The following KCNJ16 variants were observed in gnomAD, a reference collection of about 807,000 sequenced individuals.
KCNJ16 encodes the protein inward rectifier potassium channel 16.
A neutral mutation model predicts 18.5 loss-of-function variants in KCNJ16; 15 were observed. That is an observed-to-expected ratio of 0.81 (90% CI 0.54 to 1.25). The LOEUF is 1.25. KCNJ16 is among the 50% of genes most tolerant of loss of function. KCNJ16 has a pLI of 0.00. For missense variants in KCNJ16, 523 were observed against 525.7 expected (o/e 0.99, Z 0.05); for synonymous variants, 174 against 186.5 (o/e 0.93, Z 0.55).
chr17:70,091,763 T>G (rs1378069720), intron 1 of KCNJ16, among the ~76,000 whole-genome samples: 1 of 152,226 alleles, frequency 6.6e-6, no homozygotes, highest in Non-Finnish European at 1.5e-5. Context: ...TTGCTTGAAC[T>G]GAATACATAC....
chr17:70,088,019 C>T (rs1207778917), intron 1 of KCNJ16, among the ~76,000 whole-genome samples: 6 of 2,612 alleles, frequency 2.3e-3, no homozygotes, highest in Non-Finnish European at 3.6e-3. Context: ...AAGACTCTGT[C>T]TCAAAAAAAA....
intron 1 of KCNJ16, among the ~76,000 whole-genome samples, chr17:70,090,725 C>G (rs2072047459): frequency 1.4e-5 from 2 of 147,736 alleles, no homozygotes; most frequent in Admixed American, 1.3e-4. Flanking sequence ...CGCTAACCCA[C>G]TCACAATATG....
chr17:70,132,780 G>A lies in KCNJ16; in HGVS notation c.693G>A (p.Met231Ile). The change falls in exon 4 of 4, where the codon ATG (methionine) becomes ATA (isoleucine). Residue 231 changes from methionine to isoleucine, a missense_variant. Met to Ile is a conservative substitution (Grantham distance 10). Transcript: ENST00000392671. ...LRYTEDSEGR[M>I]TMAFKDLKLV... is the part of the protein sequence containing the mutation. Reference sequence around the variant, plus strand: ...ATACAGAAGACAGTGAAGGGAGGATGACGATGGCATTTAAAGACCTCAAAT... The same window carrying A: ...ATACAGAAGACAGTGAAGGGAGGATAACGATGGCATTTAAAGACCTCAAAT... 1 of 1,614,012 alleles carries A rather than the reference G, an allele frequency of 6.2e-7. No individual in the cohort carries two copies. Among genetic ancestry groups the A allele is most frequent in the Non-Finnish European group, 8.5e-7 (1 of 1,180,040 alleles).
chr17:70,131,959 G>A, intron 3 of KCNJ16, 36 bp from the exon 4 acceptor site: 1 of 1,518,468 alleles, frequency 6.6e-7, no homozygotes. Flanking sequence ...GACATTGAAA[G>A]CTAAAAAGTG....
Position 70,106,491 on chromosome 17 carries a change from G to C in KCNJ16, c.-191+5725G>C, listed in dbSNP as rs535310808. 5.3e-5 allele frequency among the ~76,000 whole-genome samples: 8 copies of C among 152,206 alleles called. No individual in the cohort carries two copies. In the East Asian group the frequency reaches 1.5e-3, roughly 29 times the overall value. ...AGAAACTGATAGAGAGAGTGATAGG[G>C]GGTTAATAGCTAAGCTCTCAGTAAT... On this transcript the variant is annotated intron_variant, in intron 2 of 3. Transcript: ENST00000392671.
intron 1 of KCNJ16, among the ~76,000 whole-genome samples, chr17:70,094,057 T>G (rs2072244055): frequency 6.6e-6 from 1 of 152,180 alleles, no homozygotes; most frequent in Admixed American, 6.5e-5. Flanking sequence ...ATAAACTTGG[T>G]TTAAATTGCG....
chr17:70,084,324 T>C (rs1234932947), intron 1 of KCNJ16, among the ~76,000 whole-genome samples: 2 of 152,088 alleles, frequency 1.3e-5, no homozygotes, highest in Admixed American at 6.6e-5. Flanking sequence ...AAAAAACAAG[T>C]GATAGAGACA....
intron 1 of KCNJ16, among the ~76,000 whole-genome samples, chr17:70,078,988 G>A (rs1357778411): frequency 6.6e-6 from 1 of 152,148 alleles, no homozygotes. Context: ...AACTCAGACA[G>A]TTCTCTTAAA....
chr17:70,085,302 AT>A (rs1252151867), intron 1 of KCNJ16, among the ~76,000 whole-genome samples: 1 of 152,230 alleles, frequency 6.6e-6, no homozygotes, highest in Non-Finnish European at 1.5e-5. Context: ...GCCATGCACC[AT>A]TCTAAATGCT....
intron 2 of KCNJ16, among the ~76,000 whole-genome samples, chr17:70,103,927 A>C (rs1366023749): frequency 7.6e-6 from 1 of 131,066 alleles, no homozygotes; most frequent in African/African-American, 2.8e-5. Flanking sequence ...GTTCATTTTT[A>C]TTTTATTATC....
chr17:70,096,699 C>A, intron 1 of KCNJ16: 1 of 359,720 alleles, frequency 2.8e-6, no homozygotes, highest in Non-Finnish European at 4.9e-6. Flanking sequence ...AGAATTAAGT[C>A]ATTCTCTTCA....
At position 70,130,698 on chromosome 17, in the gene KCNJ16, A is replaced by G. The variant is rs77846164; in HGVS notation, c.-190-181A>G. Among the ~76,000 whole-genome samples, 628 of 152,284 alleles carry G rather than the reference A, an allele frequency of 4.1e-3. 3 individuals carry two copies. The highest frequency in any genetic ancestry group is 0.014 in the African/African-American group (594 of 41,544). ...GTTAGTTCCAAGGGGTCTTTATGTC[A>G]GGAATAGTATTTATTCATACTGCAT... is the stretch of plus-strand genomic sequence containing the variant. On this transcript the variant is annotated intron_variant, in intron 2 of 3. Transcript: ENST00000392671.
intron 2 of KCNJ16, among the ~76,000 whole-genome samples, chr17:70,118,678 G>C (rs904185637): frequency 6.6e-6 from 1 of 152,014 alleles, no homozygotes; most frequent in South Asian, 2.1e-4. Flanking sequence ...CAATCGTAAA[G>C]ACAGCACCAA....
Position 70,094,767 on chromosome 17 carries a change from A to G in KCNJ16, c.-299-5891A>G, listed in dbSNP as rs146555517. Among the ~76,000 whole-genome samples, 402 of 152,320 alleles carry G rather than the reference A, an allele frequency of 2.6e-3. 8 individuals are homozygous for G. The highest frequency in any genetic ancestry group is 1.7e-3 in the Non-Finnish European group (114 of 68,026). ...TACATAGAATTACACTTGAAAGTAAATTGCACTGTAGGCAAATCATGTTTC... is the reference window on the plus strand; with the variant it reads ...TACATAGAATTACACTTGAAAGTAAGTTGCACTGTAGGCAAATCATGTTTC... On this transcript the variant is annotated intron_variant, in intron 1 of 3. Coordinates refer to ENST00000392671, the MANE Select transcript of KCNJ16 (RefSeq NM_170741.4).
At chr17:70,098,605 ATAT>A (rs1162904271) in intron 1 of KCNJ16, among the ~76,000 whole-genome samples, 4 of 151,016 alleles carry the variant, frequency 2.6e-5, no homozygotes, top group Admixed American at 6.6e-5. Context: ...GTGCATATAG[ATAT>A]TATTAAATTA....
intron 1 of KCNJ16, among the ~76,000 whole-genome samples, chr17:70,090,291 A>C (rs2072025143): frequency 6.6e-6 from 1 of 152,180 alleles, no homozygotes; most frequent in Non-Finnish European, 1.5e-5. Flanking sequence ...ATAAGGAGAA[A>C]AGCTGACCTA....
At chr17:70,088,957 A>G (rs897316506) in intron 1 of KCNJ16, among the ~76,000 whole-genome samples, 10 of 152,172 alleles carry the variant, frequency 6.6e-5, no homozygotes, top group African/African-American at 1.7e-4. Context: ...TTTAAAATTG[A>G]CTTTTAAAAA....
At chr17:70,095,723 G>C (rs555431871) in intron 1 of KCNJ16, among the ~76,000 whole-genome samples, 55 of 151,994 alleles carry the variant, frequency 3.6e-4, no homozygotes, top group Admixed American at 3.0e-3. Context: ...GGCAAGATTA[G>C]CCCTGCCCAG....
Position 70,133,325 on chromosome 17 carries a change from C to G in KCNJ16, c.1238C>G (p.Ser413Cys). Residue 413 changes from serine (S) to cysteine (C), a missense_variant, in exon 4 of 4, where the codon TCT becomes TGT. Transcript: ENST00000392671. The part of the protein sequence containing the change: ...QKALLTLNRI[S>C]VESQM ...GCTCTCCTGACTTTAAACAGAATCT[C>G]TGTAGAATCCCAAATGTAGTCCTAA... 6.2e-7 allele frequency: 1 copy of G among 1,611,788 alleles called. No homozygotes were observed. Among genetic ancestry groups the G allele is most frequent in the East Asian group, 2.2e-5 (1 of 44,818 alleles).
Sources: allele counts gnomAD v4.1 joint callset (sites outside exome capture counted in the v4.1 genomes callset), GRCh38; gene constraint gnomAD v4.1.1; transcripts MANE v1.5; gene names NCBI Gene and HGNC (gene_info 2026-07-23, HGNC 2026-07-21).